ACADSB: variants seen among roughly 807,000 people sequenced by gnomAD.
ACADSB encodes the protein acyl-CoA dehydrogenase short/branched chain.
ACADSB carries 40 observed loss-of-function variants against 54.1 expected under a neutral mutation model. That is an observed-to-expected ratio of 0.74 (90% confidence interval 0.57 to 0.96). ACADSB has a LOEUF of 0.96. ACADSB is among the 40% of genes least tolerant of loss of function. The pLI is 0.00. For missense variants in ACADSB, 530 were observed against 510.4 expected, an observed-to-expected ratio of 1.04 and a Z score of -0.37; for synonymous variants, 182 against 182.8, an observed-to-expected ratio of 1.00 and a Z score of 0.03.
At chr10:123,017,048 T>C (rs1850117780) in intron 1 of ACADSB, among the ~76,000 whole-genome samples, 1 of 152,186 alleles carries the variant, frequency 6.6e-6, no homozygotes. Context: ...CTCTGGTCTT[T>C]TGGCATCTAT....
At chr10:123,014,064 T>C (rs779977012) in intron 1 of ACADSB, among the ~76,000 whole-genome samples, 3 of 152,084 alleles carry the variant, frequency 2.0e-5, no homozygotes, top group Non-Finnish European at 2.9e-5. Flanking sequence ...CACCTCTAAA[T>C]AGGGGAACTG....
At chr10:123,044,917 C>T (rs980964981) in intron 7 of ACADSB, among the ~76,000 whole-genome samples, 23 of 151,488 alleles carry the variant, frequency 1.5e-4, no homozygotes, top group East Asian at 1.9e-4. Context: ...TACTGTTTTG[C>T]ATGTGAAAAC....
At chr10:123,009,177 C>T (rs1849960733) in intron 1 of ACADSB, 106 bp downstream of exon 1, 10 of 1,245,502 alleles carry the variant, frequency 8.0e-6, no homozygotes, top group Non-Finnish European at 1.0e-5. Flanking sequence ...GGCCTGAGCC[C>T]CGCTCCACGT....
intron 7 of ACADSB, among the ~76,000 whole-genome samples, chr10:123,045,144 TATATATATATATA>T (rs1850536092): frequency 2.2e-4 from 3 of 13,582 alleles, no homozygotes; most frequent in Non-Finnish European, 4.2e-4. Flanking sequence ...TATATATATA[TATATATATATATA>T]TATATATATA....
chr10:123,046,718 T>C (rs554294136), intron 7 of ACADSB, among the ~76,000 whole-genome samples: 22 of 152,334 alleles, frequency 1.4e-4, no homozygotes, highest in African/African-American at 5.1e-4. Flanking sequence ...TGCCCTCCCA[T>C]TGAAGCTCTC....
chr10:123,009,596 C>T (rs1250750052), intron 1 of ACADSB, among the ~76,000 whole-genome samples: 2 of 152,212 alleles, frequency 1.3e-5, no homozygotes, highest in Non-Finnish European at 2.9e-5. Context: ...GTTCGGGCTT[C>T]CCGGCCAGGG....
At chr10:123,017,033 T>C (rs1314415459) in intron 1 of ACADSB, among the ~76,000 whole-genome samples, 3 of 152,150 alleles carry the variant, frequency 2.0e-5, no homozygotes, top group East Asian at 1.9e-4. Context: ...ACCCCTGATA[T>C]GGAACTCTGG....
In ACADSB at chr10:123,025,999, G is replaced by T. The variant is rs571783126; in HGVS notation, c.43-8357G>T. Among the ~76,000 whole-genome samples the T allele has an allele frequency of 9.8e-4, 149 of 152,196 alleles. 1 individual carries two copies. Among genetic ancestry groups the T allele is most frequent in the South Asian group, 7.5e-3 (36 of 4,814 alleles). On this transcript the variant is annotated intron_variant, in intron 1 of 10. Coordinates refer to ENST00000358776, the MANE Select transcript of ACADSB (RefSeq NM_001609.4). ...TTGCTTGAACCCAAGCAGTTCTTGG[G>T]GGGAGGTTGCAGTGAGCCAAGATGG...
intron 1 of ACADSB, among the ~76,000 whole-genome samples, chr10:123,024,370 G>A (rs1278342234): frequency 6.6e-6 from 1 of 152,242 alleles, no homozygotes; most frequent in Non-Finnish European, 1.5e-5. Flanking sequence ...CTCTTCCAGG[G>A]AGGGCAGCTA....
intron 1 of ACADSB, 105 bp downstream of exon 1, chr10:123,009,176 C>T (rs1849960615): frequency 2.4e-6 from 3 of 1,259,428 alleles, no homozygotes; most frequent in Non-Finnish European, 3.3e-6. Context: ...CGGCCTGAGC[C>T]CCGCTCCACG....
At chr10:123,027,398 G>A (rs1850269080) in intron 1 of ACADSB, 1 of 359,554 alleles carries the variant, frequency 2.8e-6, no homozygotes, top group Non-Finnish European at 5.8e-6. Context: ...TTGTGGGAGG[G>A]ACACAGGGAA....
chr10:123,012,728 G>T (rs1013993226), intron 1 of ACADSB, among the ~76,000 whole-genome samples: 1 of 152,148 alleles, frequency 6.6e-6, no homozygotes, highest in African/African-American at 2.4e-5. Flanking sequence ...AGACCTTCGC[G>T]GTGAGTGTTA....
intron 2 of ACADSB, among the ~76,000 whole-genome samples, chr10:123,037,268 C>T (rs114448481): frequency 7.9e-5 from 12 of 152,146 alleles, no homozygotes; most frequent in Admixed American, 2.6e-4. Context: ...GCTATGAAAA[C>T]GACCAGGTTA....
At chr10:123,044,325 A>C (rs1850520274) in intron 6 of ACADSB, 68 bp from the exon 7 acceptor site, 2 of 1,379,368 alleles carry the variant, frequency 1.4e-6, no homozygotes, top group Non-Finnish European at 1.0e-6. Flanking sequence ...ATGTGTACTT[A>C]CAAATATATA....
At chr10:123,026,879 A>C (rs554324168) in intron 1 of ACADSB, among the ~76,000 whole-genome samples, 3 of 152,214 alleles carry the variant, frequency 2.0e-5, no homozygotes, top group African/African-American at 7.2e-5. Flanking sequence ...AAAAAAAAAG[A>C]AACAGGTTGC....
At chr10:123,015,356 T>C (rs1227791100) in intron 1 of ACADSB, among the ~76,000 whole-genome samples, 1 of 152,218 alleles carries the variant, frequency 6.6e-6, no homozygotes, top group Admixed American at 6.5e-5. Flanking sequence ...ATTGTCGTTT[T>C]TGTTGTTGTT....
intron 5 of ACADSB, among the ~76,000 whole-genome samples, chr10:123,041,966 CTTTTTTT>C (rs373340179): frequency 2.3e-5 from 3 of 132,680 alleles, no homozygotes; most frequent in Non-Finnish European, 3.2e-5. Flanking sequence ...TTTTTCTTTT[CTTTTTTT>C]TTTTTTTTTT....
rs1190343365 is a variant in ACADSB at position 123,013,944 on chromosome 10, G to C, written c.42+4873G>C. Among the ~76,000 whole-genome samples the C allele has an allele frequency of 2.6e-5, 4 of 152,220 alleles. No individual in the cohort carries two copies. The East Asian group carries it at 7.7e-4, about 29-fold the overall frequency. On this transcript the variant is annotated intron_variant, in intron 1 of 10. Transcript: ENST00000358776. ...CCAGCCTTGGCCAGCCTAGAGAAGG[G>C]CTCCCACGGTGCAGCGGTGGGCTGA...
At chr10:123,034,975 A>C (rs1218370542) in intron 2 of ACADSB, among the ~76,000 whole-genome samples, 1 of 142,414 alleles carries the variant, frequency 7.0e-6, no homozygotes, top group East Asian at 2.1e-4. Flanking sequence ...TTTGAGATGG[A>C]GTCTCACTCT....
Sources: allele counts gnomAD v4.1 joint callset (sites outside exome capture counted in the v4.1 genomes callset), GRCh38; gene constraint gnomAD v4.1.1; transcripts MANE v1.5; gene names NCBI Gene and HGNC (gene_info 2026-07-23, HGNC 2026-07-21).